VIPR1: variants seen among roughly 807,000 people sequenced by gnomAD.
VIPR1 encodes the protein vasoactive intestinal peptide receptor 1.
Under a neutral mutation model 58.8 loss-of-function variants are expected in VIPR1, and 59 were observed. That is an observed-to-expected ratio of 1.00 (90% CI 0.81 to 1.25). VIPR1 has a LOEUF of 1.25. Among genes scored for constraint, VIPR1 ranks in the 50% most tolerant of loss-of-function variants. The pLI, the probability that VIPR1 is intolerant of heterozygous loss-of-function variation, is 0.00. For missense variants in VIPR1, 626 were observed against 602.7 expected (o/e 1.04, Z -0.40); for synonymous variants, 251 against 242.1 (o/e 1.04, Z -0.34).
chr3:42,495,989 T>G (rs1247367394), intron 1 of VIPR1, among the ~76,000 whole-genome samples: 1 of 151,860 alleles, frequency 6.6e-6, no homozygotes, highest in Non-Finnish European at 1.5e-5. Flanking sequence ...AAATGTGAGA[T>G]AATAATGAGT....
At chr3:42,522,080 A>AATATATATATATATATATATATATATAT (rs59106663) in intron 3 of VIPR1, among the ~76,000 whole-genome samples, 8 of 53,004 alleles carry the variant, frequency 1.5e-4, no homozygotes, top group East Asian at 9.7e-4. Flanking sequence ...TCTACCTTCG[A>AATATATATATATATATATATATATATAT]ATATATATAT....
At chr3:42,506,928 G>A (rs1700144466) in intron 1 of VIPR1, 1 of 152,116 alleles carries the variant, frequency 6.6e-6, no homozygotes, top group South Asian at 2.1e-4. Context: ...TTTTAAACAA[G>A]CAGAGACAAC....
upstream of VIPR1, chr3:42,501,819 G>C (rs564611790): frequency 6.6e-6 from 1 of 152,450 alleles, no homozygotes; most frequent in Non-Finnish European, 1.5e-5. The surrounding 1 kb of genome is among the most constrained non-coding windows in gnomAD (Gnocchi z 4.8). Flanking sequence ...CCTGCGGGCT[G>C]GGAGCAGACC....
chr3:42,518,490 G>A (rs934439202), intron 2 of VIPR1, among the ~76,000 whole-genome samples: 1 of 152,206 alleles, frequency 6.6e-6, no homozygotes, highest in Non-Finnish European at 1.5e-5. Flanking sequence ...TGTAATCCCA[G>A]CACTTTGGGA....
intron 1 of VIPR1, chr3:42,512,693 A>G: frequency 5.2e-6 from 5 of 966,098 alleles, no homozygotes; most frequent in Non-Finnish European, 6.2e-6. Context: ...CTGATTCTGG[A>G]GTGGTCTTGC....
chr3:42,495,292 T>G (rs1699736627), intron 1 of VIPR1, among the ~76,000 whole-genome samples: 1 of 152,058 alleles, frequency 6.6e-6, no homozygotes, highest in African/African-American at 2.4e-5. Flanking sequence ...CGGCTAAATT[T>G]TTTTATTTTT....
At chr3:42,523,092 C>A (rs1334732788) in intron 3 of VIPR1, among the ~76,000 whole-genome samples, 1 of 151,392 alleles carries the variant, frequency 6.6e-6, no homozygotes, top group Non-Finnish European at 1.5e-5. Context: ...TGACCCCGCC[C>A]CCAGTGGAGT....
chr3:42,491,415 A>T (rs1428073092), intron 1 of VIPR1, among the ~76,000 whole-genome samples: 1 of 152,242 alleles, frequency 6.6e-6, no homozygotes, highest in East Asian at 1.9e-4. Context: ...TCAAATATTT[A>T]CAGATAAAAT....
chr3:42,510,432 G>T (rs1342853657), intron 1 of VIPR1, among the ~76,000 whole-genome samples: 2 of 152,162 alleles, frequency 1.3e-5, no homozygotes, highest in East Asian at 3.9e-4. Context: ...GGATAATGAG[G>T]ATGTTTAGAA....
intron 7 of VIPR1, 119 bp from the exon 8 acceptor site, chr3:42,531,352 C>A (rs1451441463): frequency 1.6e-5 from 17 of 1,081,184 alleles, no homozygotes; most frequent in Non-Finnish European, 2.3e-5. Flanking sequence ...AGCAGACTGA[C>A]AACCCACCCT....
upstream of VIPR1, among the ~76,000 whole-genome samples, chr3:42,499,753 G>A (rs1699831628): frequency 6.6e-6 from 1 of 152,088 alleles, no homozygotes; most frequent in Non-Finnish European, 1.5e-5. Context: ...CAGGTAGTCC[G>A]TCGGCCCCCC....
chr3:42,495,009 C>T lies in VIPR1; in HGVS notation c.-245+5331C>T, dbSNP rs998313004. On this transcript the variant is annotated intron_variant, in intron 1 of 13. Coordinates refer to the VIPR1 transcript ENST00000433647. ...TTTTAAAATTTATTAATTGTCTATG[C>T]GTGAAATATTTCCAAACATACAGGA... 2.6e-5 allele frequency among the ~76,000 whole-genome samples: 4 copies of T among 152,194 alleles called. No homozygotes were observed. In the South Asian group the frequency reaches 6.2e-4, roughly 24 times the overall value.
In VIPR1 at chr3:42,525,936, G is replaced by A. The variant is rs767407846; in HGVS notation, c.342G>A (p.Glu114=). The A allele has an allele frequency of 5.6e-6, 9 of 1,613,712 alleles. No individual in the cohort carries two copies. The highest frequency in any genetic ancestry group is 2.2e-5 in the East Asian group (1 of 44,870). Residue 114 remains glutamate, a synonymous_variant, in exon 4 of 13, where the codon GAG becomes GAA. Coordinates refer to ENST00000325123, the MANE Select transcript of VIPR1 (RefSeq NM_004624.4). ...SCTDEGWTHL[E]PGPYPIACGL... ...CCGACGAAGGCTGGACGCACCTGGA[G>A]CCTGGCCCGTACCCCATTGCCTGTG... is the stretch of plus-strand genomic sequence containing the variant.
In VIPR1 at chr3:42,528,019, C is replaced by T; in HGVS notation, c.532C>T (p.His178Tyr). 3 of 1,614,084 alleles carry T rather than the reference C, an allele frequency of 1.9e-6. No individual in the cohort carries two copies. Among genetic ancestry groups the T allele is most frequent in the Non-Finnish European group, 2.5e-6 (3 of 1,179,972 alleles). Residue 178 changes from histidine (H) to tyrosine (Y), a missense_variant, in exon 6 of 13, where the codon CAC becomes TAC. Physicochemically the swap from His to Tyr is moderately conservative, Grantham distance 83. Coordinates refer to ENST00000325123, the MANE Select transcript of VIPR1 (RefSeq NM_004624.4). ...RKLHCTRNYI[H>Y]MHLFISFILR... Reference sequence around the variant, plus strand: ...GCTCCACTGCACGCGGAACTACATCCACATGCACCTCTTCATATCCTTCAT... The same window carrying T: ...GCTCCACTGCACGCGGAACTACATCTACATGCACCTCTTCATATCCTTCAT...
At chr3:42,491,079 C>T (rs142289084) in intron 1 of VIPR1, among the ~76,000 whole-genome samples, 45 of 152,236 alleles carry the variant, frequency 3.0e-4, no homozygotes, top group Middle Eastern at 6.8e-3. Context: ...AAGCAGCAAA[C>T]TTTGACAGGA....
chr3:42,530,521 A>C, intron 6 of VIPR1: 1 of 441,404 alleles, frequency 2.3e-6, no homozygotes, highest in East Asian at 3.8e-5. Context: ...GCAGATGGGT[A>C]GATATATAGA....
At chr3:42,519,020 G>A (rs1292032505) in intron 2 of VIPR1, among the ~76,000 whole-genome samples, 1 of 152,232 alleles carries the variant, frequency 6.6e-6, no homozygotes, top group Non-Finnish European at 1.5e-5. Context: ...CCAAGGAACT[G>A]TAGTCAGGCC....
chr3:42,522,130 T>G (rs1418258692), intron 3 of VIPR1, among the ~76,000 whole-genome samples: 3 of 64,162 alleles, frequency 4.7e-5, no homozygotes, highest in Admixed American at 2.0e-4. Flanking sequence ...TTTTTTTTTT[T>G]AGACAGCGTC....
At chr3:42,532,500 G>A in intron 10 of VIPR1, 167 bp downstream of exon 10, 1 of 705,052 alleles carries the variant, frequency 1.4e-6, no homozygotes, top group South Asian at 1.7e-5. Context: ...ACCATCCCCT[G>A]CTCCAGCCCC....
Sources: allele counts gnomAD v4.1 joint callset (sites outside exome capture counted in the v4.1 genomes callset), GRCh38; gene constraint gnomAD v4.1.1; non-coding constraint Gnocchi (gnomAD v3.1); transcripts MANE v1.5; gene names NCBI Gene and HGNC (gene_info 2026-07-23, HGNC 2026-07-21).